RBM34: variants seen among roughly 807,000 people sequenced by gnomAD.
RBM34 encodes the protein RNA binding motif protein 34, also known as RNA-binding protein 34.
Under a neutral mutation model 44.6 loss-of-function variants are expected in RBM34, and 39 were observed. The ratio of observed to expected loss-of-function variants is 0.87; its 90% CI spans 0.68 to 1.14. RBM34 has a LOEUF of 1.14. Ranked by LOEUF, RBM34 falls within the 50% of genes most tolerant of loss-of-function variation. RBM34 has a pLI of 0.00. For missense variants in RBM34, 572 were observed against 517.9 expected (o/e 1.10, Z -1.01); for synonymous variants, 194 against 184.0 (o/e 1.05, Z -0.44).
intron 10 of RBM34, among the ~76,000 whole-genome samples, chr1:235,133,927 A>G (rs925950065): frequency 2.0e-5 from 3 of 152,172 alleles, no homozygotes; most frequent in Non-Finnish European, 2.9e-5. Context: ...CAGTGGTGCA[A>G]TCATGGCTCA....
chr1:235,159,209 T>A (rs1230118145), intron 3 of RBM34, among the ~76,000 whole-genome samples: 2 of 143,088 alleles, frequency 1.4e-5, no homozygotes, highest in African/African-American at 2.6e-5. Flanking sequence ...CCAGACCTTG[T>A]CTCAAAAAAA....
At chr1:235,140,586 G>A (rs1286981570) in intron 6 of RBM34, among the ~76,000 whole-genome samples, 2 of 152,158 alleles carry the variant, frequency 1.3e-5, no homozygotes, top group Non-Finnish European at 2.9e-5. Context: ...CCCCCTCCAT[G>A]GGCTCCTGTG....
chr1:235,151,750 A>C (rs1347726074), intron 5 of RBM34, among the ~76,000 whole-genome samples: 1 of 152,190 alleles, frequency 6.6e-6, no homozygotes, highest in African/African-American at 2.4e-5. Context: ...AACATGAAAA[A>C]GGCTAAGTGC....
chr1:235,140,685 G>A lies in RBM34; in HGVS notation c.702-2511C>T, dbSNP rs184603443. On this transcript the variant is annotated intron_variant, in intron 6 of 10. Coordinates refer to ENST00000408888, the MANE Select transcript of RBM34 (RefSeq NM_015014.4). ...AAAGGGCTGGGGAGTGCAGGCGCAC[G>A]GCATGGGATTGGCAGGCAGCTCCAC... is the stretch of plus-strand genomic sequence containing the variant. 2.0e-3 allele frequency among the ~76,000 whole-genome samples: 309 copies of A among 152,358 alleles called. 2 individuals are homozygous for A. Among genetic ancestry groups the A allele is most frequent in the African/African-American group, 6.7e-3 (280 of 41,592 alleles).
At chr1:235,138,391 T>C (rs1661524208) in intron 6 of RBM34, among the ~76,000 whole-genome samples, 1 of 152,228 alleles carries the variant, frequency 6.6e-6, no homozygotes, top group Non-Finnish European at 1.5e-5. Flanking sequence ...ACCCATACTT[T>C]CTTAGGAATC....
At position 235,161,195 on chromosome 1, in the gene RBM34, C is replaced by G. The variant is rs189294443; in HGVS notation, c.32G>C (p.Arg11Thr). 1 of 1,609,326 alleles carries G rather than the reference C, an allele frequency of 6.2e-7. No homozygotes were observed. The highest frequency in any genetic ancestry group is 1.7e-5 in the Admixed American group (1 of 59,430). Residue 11 changes from arginine (R) to threonine (T), a missense_variant, in exon 1 of 11, where the codon AGA (arginine) becomes ACA (threonine). By Grantham distance (71) the Arg-to-Thr change is moderately conservative (BLOSUM62 -1). Coordinates refer to ENST00000408888, the MANE Select transcript of RBM34 (RefSeq NM_015014.4). The stretch of plus-strand genomic sequence containing the variant: ...TCACCCCTCCTGGACACTTCTCTTT[C>G]TCTTCCGTTTGCTCATCCCTTCCAA... MALEGMSKRKRKRSVQEGENP... is the reference protein window; with the variant it reads MALEGMSKRKTKRSVQEGENP...
chr1:235,148,589 G>T, intron 5 of RBM34, 142 bp from the exon 6 acceptor site: 3 of 529,478 alleles, frequency 5.7e-6, no homozygotes, highest in South Asian at 8.0e-5. Context: ...AGAAACAACT[G>T]TCCTAATTTT....
chr1:235,139,586 C>G (rs751102469), intron 6 of RBM34, among the ~76,000 whole-genome samples: 128 of 152,360 alleles, frequency 8.4e-4, no homozygotes, highest in Non-Finnish European at 1.3e-3. Context: ...CCAAATCCAA[C>G]ACATCCTAGT....
At chr1:235,155,347 T>C (rs1263114087) in intron 3 of RBM34, among the ~76,000 whole-genome samples, 1 of 151,976 alleles carries the variant, frequency 6.6e-6, no homozygotes, top group East Asian at 1.9e-4. Context: ...TTAAGCTCTT[T>C]TTTTTTTTCT....
chr1:235,153,262 C>T (rs74909211), intron 4 of RBM34, among the ~76,000 whole-genome samples: 1 of 129,776 alleles, frequency 7.7e-6, no homozygotes, highest in Non-Finnish European at 1.7e-5. Flanking sequence ...GACTCTGTCT[C>T]AAAAAAAAAA....
chr1:235,135,689 G>A lies in RBM34; in HGVS notation c.971C>T (p.Thr324Ile). The change falls in exon 10 of 11, where the codon ACA becomes ATA. Residue 324 changes from threonine to isoleucine, a missense_variant. By Grantham distance (89) the Thr-to-Ile change is moderately conservative. Coordinates refer to ENST00000408888, the MANE Select transcript of RBM34 (RefSeq NM_015014.4). ...ATAGCCAAACCCTTTGCCGATGCCT[G>A]TCATTTTGTCTCTCACAATCCTCAC... ...MAVRIVRDKMTGIGKGFGYVL... is the reference protein window; with the variant it reads ...MAVRIVRDKMIGIGKGFGYVL... The A allele has an allele frequency of 4.3e-6, 7 of 1,614,200 alleles. No homozygotes were observed. The highest frequency in any genetic ancestry group is 5.9e-6 in the Non-Finnish European group (7 of 1,180,032).
intron 2 of RBM34, 34 bp from the exon 3 acceptor site, chr1:235,160,681 C>T: frequency 6.3e-7 from 1 of 1,599,134 alleles, no homozygotes; most frequent in South Asian, 1.1e-5. Flanking sequence ...TTTGAGACCC[C>T]ATACTTCTAG....
chr1:235,153,975 G>T (rs373794689), intron 4 of RBM34, among the ~76,000 whole-genome samples: 1 of 152,148 alleles, frequency 6.6e-6, no homozygotes, highest in Non-Finnish European at 1.5e-5. Context: ...GGCTGGGTGC[G>T]GTTGCTCATG....
chr1:235,145,766 G>C (rs1000081775), intron 6 of RBM34, among the ~76,000 whole-genome samples: 1 of 152,038 alleles, frequency 6.6e-6, no homozygotes. Flanking sequence ...CTAAGTACAA[G>C]GTCACTCATT....
intron 10 of RBM34, among the ~76,000 whole-genome samples, chr1:235,133,005 G>C (rs375350778): frequency 2.0e-5 from 3 of 152,060 alleles, no homozygotes; most frequent in South Asian, 4.1e-4. Flanking sequence ...TATCCTAATG[G>C]GGATCTATCT....
chr1:235,154,023 G>C (rs1395523650), intron 4 of RBM34, among the ~76,000 whole-genome samples: 1 of 152,088 alleles, frequency 6.6e-6, no homozygotes. Context: ...GAGGCGGACG[G>C]ATCACAAGGT....
chr1:235,136,252 T>C (rs1401059158), intron 8 of RBM34, 179 bp from the exon 9 acceptor site: 1 of 627,424 alleles, frequency 1.6e-6, no homozygotes. Flanking sequence ...TGTGTGTGGG[T>C]ACCAGAGGAG....
At position 235,137,830 on chromosome 1, in the gene RBM34, TC is replaced by T. The variant is rs755657582; in HGVS notation, c.849+46del. On this transcript the variant is annotated intron_variant, in intron 8 of 10. Coordinates refer to ENST00000408888, the MANE Select transcript of RBM34 (RefSeq NM_015014.4). ...CAGGAAAAGCCTGGAAGGAAACATT[TC>T]TCTCTACAAAGCTCTCGTTCTTTAA... is the stretch of plus-strand genomic sequence containing the variant. 4 of 1,416,282 alleles carry T rather than the reference TC, an allele frequency of 2.8e-6. No homozygotes were observed. In the South Asian group the frequency reaches 5.0e-5, roughly 18 times the overall value. The allele number at this position is 1,416,282 out of a possible 1,614,324, so 87.7% of individuals were successfully genotyped here. A position where few individuals can be genotyped will look rare whatever the true frequency, so the allele number is the denominator to read the frequency against.
intron 6 of RBM34, among the ~76,000 whole-genome samples, chr1:235,143,899 A>G (rs2102840325): frequency 6.6e-6 from 1 of 152,318 alleles, no homozygotes; most frequent in Middle Eastern, 3.4e-3. Flanking sequence ...CAAATCTCAG[A>G]CAGGCACGGT....
Sources: gnomAD v4.1 joint callset for allele counts (sites outside exome capture counted in the v4.1 genomes callset) on GRCh38, gnomAD v4.1.1 for gene constraint, MANE v1.5 for transcripts, NCBI Gene and HGNC (gene_info 2026-07-23, HGNC 2026-07-21) for gene names.